Variants in SPECC1L observed in about 807,000 individuals in gnomAD.
The protein encoded by SPECC1L is cytospin-A.
A neutral mutation model predicts 116.8 loss-of-function variants in SPECC1L; 40 were observed. The ratio of observed to expected loss-of-function variants is 0.34; its 90% confidence interval spans 0.27 to 0.45. SPECC1L has a LOEUF of 0.45. SPECC1L is among the 20% of genes least tolerant of loss of function. SPECC1L has a pLI of 1.00. For missense variants in SPECC1L, 1,110 were observed against 1,373.6 expected, an observed-to-expected ratio of 0.81 and a Z score of 3.03; for synonymous variants, 504 against 500.6, an observed-to-expected ratio of 1.01 and a Z score of -0.09.
chr22:24,417,167 C>G lies in SPECC1L; in HGVS notation c.*2544C>G, dbSNP rs943421752. 14 of 152,718 alleles carry G rather than the reference C, an allele frequency of 9.2e-5. No individual in the cohort carries two copies. The highest frequency in any genetic ancestry group is 3.1e-4 in the African/African-American group (13 of 41,576). 9.5% of individuals were successfully genotyped at this position (152,718 alleles called of 1,614,324 possible). On this transcript the variant is annotated 3_prime_UTR_variant, in exon 17 of 17. Coordinates refer to ENST00000314328, the MANE Select transcript of SPECC1L (RefSeq NM_015330.6). ...GGGCCAGTCGCGTTTCTATTTCTCT[C>G]GATCCCAGGCTTCTGCGGACCGACG... is the stretch of plus-strand genomic sequence containing the variant.
chr22:24,387,003 G>T (rs2042173189), intron 14 of SPECC1L, among the ~76,000 whole-genome samples: 1 of 152,162 alleles, frequency 6.6e-6, no homozygotes, highest in South Asian at 2.1e-4. Context: ...TTAAAAAGCT[G>T]ATAACACCAA....
At chr22:24,368,200 G>C (rs1030491689) in intron 13 of SPECC1L, among the ~76,000 whole-genome samples, 3 of 152,128 alleles carry the variant, frequency 2.0e-5, no homozygotes, top group Admixed American at 1.3e-4. Flanking sequence ...TATAGCCACG[G>C]AATTTTAACC....
intron 4 of SPECC1L, among the ~76,000 whole-genome samples, chr22:24,318,381 C>T (rs953039572): frequency 3.3e-5 from 5 of 151,656 alleles, no homozygotes; most frequent in Admixed American, 6.6e-5. Context: ...ACCAGTCAGG[C>T]GTGGCGGCGC....
At chr22:24,298,149 C>G (rs6004123) in intron 2 of SPECC1L, among the ~76,000 whole-genome samples, 187 of 152,160 alleles carry the variant, frequency 1.2e-3, no homozygotes, top group African/African-American at 4.1e-3. Context: ...GTGTTCAATA[C>G]TTTATTATAA....
chr22:24,394,168 T>C (rs905187643), intron 14 of SPECC1L, among the ~76,000 whole-genome samples: 2 of 152,220 alleles, frequency 1.3e-5, no homozygotes, highest in Non-Finnish European at 2.9e-5. Flanking sequence ...GTTCATATGG[T>C]GTCTTAGTCA....
chr22:24,343,284 G>A (rs561632276), intron 10 of SPECC1L, among the ~76,000 whole-genome samples: 1 of 152,140 alleles, frequency 6.6e-6, no homozygotes, highest in African/African-American at 2.4e-5. Context: ...AAATCAGGAA[G>A]CTAAAGCAAG....
rs1029625075 is a variant in SPECC1L, at chr22:24,331,019, A to C, written c.2396+588A>C. On this transcript the variant is annotated intron_variant, in intron 8 of 16. Transcript: ENST00000314328. ...TGAGTTTCTCTCTATCACTTACTTGAGGAATTTTCACTTGTTTTATCTTAT... is the reference window on the plus strand; with the variant it reads ...TGAGTTTCTCTCTATCACTTACTTGCGGAATTTTCACTTGTTTTATCTTAT... 6.6e-4 allele frequency among the ~76,000 whole-genome samples: 100 copies of C among 152,228 alleles called. 1 individual carries two copies. Among genetic ancestry groups the C allele is most frequent in the Non-Finnish European group, 4.4e-5 (3 of 68,040 alleles).
intron 14 of SPECC1L, among the ~76,000 whole-genome samples, chr22:24,409,616 G>A (rs957703421): frequency 6.6e-6 from 1 of 152,102 alleles, no homozygotes; most frequent in Non-Finnish European, 1.5e-5. Context: ...TTGTGCCACT[G>A]CACTCCAGCC....
At position 24,300,190 on chromosome 22, in the gene SPECC1L, T is replaced by C. The variant is rs540993777; in HGVS notation, c.-37-2005T>C. Reference sequence around the variant, plus strand: ...TGTTGTTCCCTTCTCTGTGTCCTTGTATTCTCATTTTTCACCTCCACTTAT... The same window carrying C: ...TGTTGTTCCCTTCTCTGTGTCCTTGCATTCTCATTTTTCACCTCCACTTAT... On this transcript the variant is annotated intron_variant, in intron 2 of 16. Transcript: ENST00000314328. 9.8e-5 allele frequency among the ~76,000 whole-genome samples: 15 copies of C among 152,328 alleles called. No homozygotes were observed. In the South Asian group the frequency reaches 3.1e-3, roughly 32 times the overall value.
intron 4 of SPECC1L, among the ~76,000 whole-genome samples, chr22:24,319,714 G>A (rs1414534581): frequency 2.0e-5 from 3 of 151,976 alleles, no homozygotes; most frequent in African/African-American, 7.3e-5. Flanking sequence ...TCCTTTCGTT[G>A]TCTGTCTTTT....
At chr22:24,291,042 TCTC>T (rs1442062798) in intron 2 of SPECC1L, among the ~76,000 whole-genome samples, 2 of 152,060 alleles carry the variant, frequency 1.3e-5, no homozygotes, top group Non-Finnish European at 2.9e-5. Flanking sequence ...GATTCTTTCT[TCTC>T]AGTGTTTTAA....
chr22:24,367,838 C>A (rs1432641711), intron 13 of SPECC1L, among the ~76,000 whole-genome samples: 1 of 152,146 alleles, frequency 6.6e-6, no homozygotes, highest in Non-Finnish European at 1.5e-5. Flanking sequence ...ATTTATTGGG[C>A]TGCTAAGTTC....
intron 14 of SPECC1L, among the ~76,000 whole-genome samples, chr22:24,401,886 G>A (rs1260847031): frequency 6.6e-6 from 1 of 152,178 alleles, no homozygotes; most frequent in African/African-American, 2.4e-5. Context: ...AATCTTTGCA[G>A]TGATTCTAGC....
intron 14 of SPECC1L, among the ~76,000 whole-genome samples, chr22:24,390,872 C>CTTTTCTTTTTTTTT (rs2042253331): frequency 3.5e-5 from 2 of 57,112 alleles, no homozygotes; most frequent in African/African-American, 1.5e-4. Context: ...TTTTTCTTTT[C>CTTTTCTTTTTTTTT]TTTTTTTTTT....
At chr22:24,412,798 G>T in intron 16 of SPECC1L, 91 bp downstream of exon 16, 2 of 1,416,518 alleles carry the variant, frequency 1.4e-6, no homozygotes, top group South Asian at 1.2e-5. Flanking sequence ...CGTGGGCATG[G>T]GGTAGTGTGG....
intron 14 of SPECC1L, among the ~76,000 whole-genome samples, chr22:24,409,390 G>C (rs960392014): frequency 1.3e-5 from 2 of 152,314 alleles, no homozygotes; most frequent in Non-Finnish European, 2.9e-5. Context: ...TCTGCATAAA[G>C]TGTGAATTAG....
Position 24,417,689 on chromosome 22 carries a change from G to GA in SPECC1L, c.*3072dup, listed in dbSNP as rs927952895. 1.3e-5 allele frequency: 2 copies of GA among 152,052 alleles called. No homozygotes were observed. Among genetic ancestry groups the GA allele is most frequent in the Non-Finnish European group, 2.9e-5 (2 of 67,990 alleles). 9.4% of individuals were successfully genotyped at this position (152,052 alleles called of 1,614,324 possible). A position where few individuals can be genotyped will look rare whatever the true frequency, so the allele number is the denominator to read the frequency against. ...TCAGGATGTATAAAATAGAGAAAAA[G>GA]AAAAAAGGTATCCTACCCAGAGGCA... On this transcript the variant is annotated 3_prime_UTR_variant, in exon 17 of 17. Coordinates refer to ENST00000314328, the MANE Select transcript of SPECC1L (RefSeq NM_015330.6).
chr22:24,401,434 T>C (rs1043161419), intron 14 of SPECC1L, among the ~76,000 whole-genome samples: 1 of 152,264 alleles, frequency 6.6e-6, no homozygotes, highest in Non-Finnish European at 1.5e-5. Flanking sequence ...CAGGACTGGC[T>C]GCCTCTTTCT....
At chr22:24,356,208 G>C (rs1407837099) in intron 11 of SPECC1L, among the ~76,000 whole-genome samples, 1 of 152,002 alleles carries the variant, frequency 6.6e-6, no homozygotes, top group East Asian at 1.9e-4. Flanking sequence ...GTTCAAGTCT[G>C]GGTCTTCTGT....
Sources: allele counts gnomAD v4.1 joint callset (sites outside exome capture counted in the v4.1 genomes callset), GRCh38; gene constraint gnomAD v4.1.1; transcripts MANE v1.5; gene names NCBI Gene and HGNC (gene_info 2026-07-23, HGNC 2026-07-21).